The following RTL1 variants were observed in gnomAD, a reference collection of about 807,000 sequenced individuals.
RTL1 encodes retrotransposon-like protein 1.
For missense variants in RTL1, 1,681 were observed against 1,767.5 expected, an observed-to-expected ratio of 0.95 and a Z score of 0.88; for synonymous variants, 727 against 748.4, an observed-to-expected ratio of 0.97 and a Z score of 0.47.
chr14:100,886,069 G>C (rs1326276504), intron 3 of RTL1, among the ~76,000 whole-genome samples: 1 of 152,042 alleles, frequency 6.6e-6, no homozygotes, highest in African/African-American at 2.4e-5. Flanking sequence ...GTCTTGGTTG[G>C]GGTTATTTGC....
intron 2 of RTL1, among the ~76,000 whole-genome samples, chr14:100,901,220 C>T (rs1236758958): frequency 6.6e-6 from 1 of 152,240 alleles, no homozygotes; most frequent in Non-Finnish European, 1.5e-5. Context: ...GCATCTCTGC[C>T]CCCGAGGACC....
intron 2 of RTL1, chr14:100,898,048 T>C: frequency 2.1e-6 from 1 of 478,468 alleles, no homozygotes; most frequent in Non-Finnish European, 4.3e-6. Context: ...TGTTTAATAT[T>C]CCACGGTATG....
At position 100,880,608 on chromosome 14, in the gene RTL1, G is replaced by A; in HGVS notation, c.*104C>T. 1 of 1,500,896 alleles carries A rather than the reference G, an allele frequency of 6.7e-7. No individual in the cohort carries two copies. Among genetic ancestry groups the A allele is most frequent in the Non-Finnish European group, 8.9e-7 (1 of 1,125,698 alleles). 93.0% of individuals were successfully genotyped at this position (1,500,896 alleles called of 1,614,324 possible). On this transcript the variant is annotated 3_prime_UTR_variant, in exon 4 of 4. Coordinates refer to ENST00000649591, the MANE Select transcript of RTL1 (RefSeq NM_001134888.3). ...GGTTCCTCTTGGGTCAGGAGTGGCA[G>A]GAAGGGAAGCGAAGCAGGCTGAGGC...
rs73349352 is a variant in RTL1, at chr14:100,880,753, C to T, written c.4036G>A (p.Glu1346Lys). The T allele has an allele frequency of 6.9e-3, 10,771 of 1,550,876 alleles. 615 individuals carry two copies. In the African/African-American group the frequency reaches 0.13, roughly 18 times the overall value. ...TCTTCGTCCTCATCAGGCAGCTCTT[C>T]TAGCCTTGCCTGCTCCCTGGGCTGG... ...ESQPREQARL[E>K]ELPDEDEDAN... The change falls in exon 4 of 4, where the codon GAA becomes AAA. Residue 1346 changes from glutamate (E) to lysine (K), a missense_variant. Coordinates refer to ENST00000649591, the MANE Select transcript of RTL1 (RefSeq NM_001134888.3).
Position 100,881,370 on chromosome 14 carries a change from G to C in RTL1, c.3419C>G (p.Thr1140Arg), listed in dbSNP as rs1422411353. 1.3e-6 allele frequency: 2 copies of C among 1,550,700 alleles called. No homozygotes were observed. The highest frequency in any genetic ancestry group is 2.4e-5 in the East Asian group (1 of 40,898). Residue 1140 changes from threonine (T) to arginine (R), a missense_variant, in exon 4 of 4, where the codon ACA becomes AGA. Thr to Arg is a moderately conservative substitution (Grantham distance 71). Coordinates refer to ENST00000649591, the MANE Select transcript of RTL1 (RefSeq NM_001134888.3). The surrounding 1 kb of genome is among the most constrained non-coding windows in gnomAD (Gnocchi z 6.6). The part of the protein sequence containing the change: ...SSLIAGSSIT[T>R]AITQLLTQMP... ...CTGGGTGAGCAGCTGGGTGATGGCTGTCGTGATGCTGCTGCCTGCGATGAG... is the reference window on the plus strand; with the variant it reads ...CTGGGTGAGCAGCTGGGTGATGGCTCTCGTGATGCTGCTGCCTGCGATGAG...
Position 100,882,920 on chromosome 14 carries a change from C to T in RTL1, c.1869G>A (p.Met623Ile). ...TAPWEPVGAR[M>I]QERARLQEEY... The stretch of plus-strand genomic sequence containing the variant: ...CCTCCTGTAGCCTGGCTCTTTCTTG[C>T]ATCCTGGCACCCACAGGTTCCCAAG... The change falls in exon 4 of 4, where the codon ATG becomes ATA. Residue 623 changes from methionine to isoleucine, a missense_variant. Coordinates refer to ENST00000649591, the MANE Select transcript of RTL1 (RefSeq NM_001134888.3). The T allele has an allele frequency of 6.2e-7, 1 of 1,609,286 alleles. No homozygotes were observed. The highest frequency in any genetic ancestry group is 2.2e-5 in the East Asian group (1 of 44,844).
At position 100,880,841 on chromosome 14, in the gene RTL1, C is replaced by G; in HGVS notation, c.3948G>C (p.Arg1316Ser). Residue 1316 changes from arginine (R) to serine (S), a missense_variant, in exon 4 of 4, where the codon AGG becomes AGC. Arg to Ser is a moderately radical substitution (Grantham distance 110). Coordinates refer to ENST00000649591, the MANE Select transcript of RTL1 (RefSeq NM_001134888.3). ...LHLLSREQAARALSQFLTLIY... is the reference protein window; with the variant it reads ...LHLLSREQAASALSQFLTLIY... ...TCAGGGTCAGGAACTGGCTCAGGGC[C>G]CTGGCTGCCTGCTCCCGGCTGAGCA... The G allele has an allele frequency of 1.3e-6, 2 of 1,550,412 alleles. No homozygotes were observed. Among genetic ancestry groups the G allele is most frequent in the East Asian group, 4.9e-5 (2 of 40,850 alleles).
In RTL1 at chr14:100,884,507, G is replaced by T; in HGVS notation, c.282C>A (p.Asp94Glu). The change falls in exon 4 of 4, where the codon GAC (aspartate) becomes GAA (glutamate). Residue 94 changes from aspartate (D) to glutamate (E), a missense_variant. Coordinates refer to ENST00000649591, the MANE Select transcript of RTL1 (RefSeq NM_001134888.3). ...PRKEIEDPPN[D>E]LLQDLEESCN... ...ATGACTCCTCCAGGTCTTGGAGTAG[G>T]TCATTGGGTGGATCCTCTATTTCCT... The T allele has an allele frequency of 6.2e-7, 1 of 1,614,132 alleles. No individual in the cohort carries two copies. The highest frequency in any genetic ancestry group is 8.5e-7 in the Non-Finnish European group (1 of 1,179,978).
In RTL1 at chr14:100,881,105, C is replaced by T; in HGVS notation, c.3684G>A (p.Glu1228=). 1 of 1,587,776 alleles carries T rather than the reference C, an allele frequency of 6.3e-7. No homozygotes were observed. Among genetic ancestry groups the T allele is most frequent in the Non-Finnish European group, 8.6e-7 (1 of 1,166,612 alleles). The change falls in exon 4 of 4, where the codon GAG becomes GAA. Residue 1228 remains glutamate (E), a synonymous_variant. Coordinates refer to ENST00000649591, the MANE Select transcript of RTL1 (RefSeq NM_001134888.3). The surrounding 1 kb of genome is among the most constrained non-coding windows in gnomAD (Gnocchi z 6.6). ...GCAGGGCTTCTCGCAAGACGACATC[C>T]TCATCACCAACGACGTGCAGCTCCA... The part of the protein sequence containing the change: ...RYLELHVVGD[E]DVVLREALQD...
At chr14:100,897,844 G>A (rs2038889791) in intron 2 of RTL1, 1 of 330,584 alleles carries the variant, frequency 3.0e-6, no homozygotes. Context: ...TTGGGGAGTG[G>A]GCTCACGAGT....
intron 2 of RTL1, among the ~76,000 whole-genome samples, 111 bp downstream of exon 2, chr14:100,903,180 C>A (rs2038966259): frequency 6.6e-6 from 1 of 152,164 alleles, no homozygotes; most frequent in African/African-American, 2.4e-5. Context: ...GAAGGGCCAG[C>A]TTAGACAGGG....
chr14:100,885,512 T>C (rs1339431878), intron 3 of RTL1, among the ~76,000 whole-genome samples: 1 of 147,516 alleles, frequency 6.8e-6, no homozygotes, highest in Non-Finnish European at 1.5e-5. Flanking sequence ...AGGGGGTGTG[T>C]ACAGGTCTGG....
At chr14:100,902,795 A>G (rs1423411898) in intron 2 of RTL1, among the ~76,000 whole-genome samples, 1 of 152,240 alleles carries the variant, frequency 6.6e-6, no homozygotes, top group African/African-American at 2.4e-5. Flanking sequence ...TGAGGACTAA[A>G]TGAGATAAGT....
rs1211802922 is a variant in RTL1, at chr14:100,883,503, A to G, written c.1286T>C (p.Val429Ala). Residue 429 changes from valine (V) to alanine (A), a missense_variant, in exon 4 of 4, where the codon GTG (valine) becomes GCG (alanine). Transcript: ENST00000649591. The surrounding 1 kb of genome is among the most constrained non-coding windows in gnomAD (Gnocchi z 5.9). The stretch of plus-strand genomic sequence containing the variant: ...GAAGTTGCCGTCAGCTCCCGAATCC[A>G]CCAGGGCCTGGACCGCGACGCTGTG... ...PYHSVAVQAL[V>A]DSGADGNFMD... 6.4e-7 allele frequency: 1 copy of G among 1,551,408 alleles called. No individual in the cohort carries two copies. Among genetic ancestry groups the G allele is most frequent in the Non-Finnish European group, 8.7e-7 (1 of 1,146,962 alleles).
rs35695758 is a variant in RTL1, at chr14:100,881,149, G to A, written c.3640C>T (p.Leu1214=). ...AGCTCCAGGTAGCGGTTCTGACGCA[G>A]GGCAGGGAGGTGGCCCTCCTGGGGG... ...VTPQEGHLPA[L]RQNRYLELHV... Residue 1214 remains leucine (L), a synonymous_variant, in exon 4 of 4, where the codon CTG becomes TTG. Transcript: ENST00000649591. The surrounding 1 kb of genome is among the most constrained non-coding windows in gnomAD (Gnocchi z 6.6). 6.5e-7 allele frequency: 1 copy of A among 1,549,524 alleles called. No homozygotes were observed. Among genetic ancestry groups the A allele is most frequent in the Non-Finnish European group, 8.7e-7 (1 of 1,145,822 alleles).
chr14:100,884,078 T>A lies in RTL1; in HGVS notation c.711A>T (p.Arg237Ser), dbSNP rs2140037480. The A allele has an allele frequency of 6.4e-7, 1 of 1,551,720 alleles. No individual in the cohort carries two copies. The highest frequency in any genetic ancestry group is 2.4e-5 in the East Asian group (1 of 40,920). ...ACAGGTGATTGATGACATAGCCAAC[T>A]CTCAGACGGTCGTTATAGAACATTC... Reference protein sequence around the residue: ...YPRMFYNDRLRVGYVINHLSG... With the variant: ...YPRMFYNDRLSVGYVINHLSG... The change falls in exon 4 of 4, where the codon AGA (arginine) becomes AGT (serine). Residue 237 changes from arginine to serine, a missense_variant. Arg to Ser is a moderately radical substitution (Grantham distance 110, BLOSUM62 -1). Coordinates refer to ENST00000649591, the MANE Select transcript of RTL1 (RefSeq NM_001134888.3).
Position 100,884,317 on chromosome 14 carries a change from G to T in RTL1, c.472C>A (p.His158Asn), listed in dbSNP as rs1389525218. The T allele has an allele frequency of 6.5e-7, 1 of 1,548,326 alleles. No individual in the cohort carries two copies. The highest frequency in any genetic ancestry group is 8.7e-7 in the Non-Finnish European group (1 of 1,144,842). The stretch of plus-strand genomic sequence containing the variant: ...ATGGCCATAAGTTCTGCGGTTGAGT[G>T]CTCGGTCTGGTTTTGCTCTTGAGGA... ...ETPQEQNQTE[H>N]STAELMAMVR... is the part of the protein sequence containing the mutation. The change falls in exon 4 of 4, where the codon CAC (histidine) becomes AAC (asparagine). Residue 158 changes from histidine to asparagine, a missense_variant. Coordinates refer to ENST00000649591, the MANE Select transcript of RTL1 (RefSeq NM_001134888.3).
chr14:100,891,462 TG>T (rs1015465682), intron 3 of RTL1, among the ~76,000 whole-genome samples: 1 of 152,114 alleles, frequency 6.6e-6, no homozygotes, highest in African/African-American at 2.4e-5. Context: ...CCCAGCAGGG[TG>T]GGGGTCTTCT....
At position 100,895,422 on chromosome 14, in the gene RTL1, T is replaced by TGAAACTAA. The variant is rs1373940149; in HGVS notation, c.-148-1918_-148-1917insTTAGTTTC. On this transcript the variant is annotated intron_variant, in intron 2 of 3. Transcript: ENST00000649591. The stretch of plus-strand genomic sequence containing the variant: ...GGGATGCAACTTTCAAGAGTTGCCT[T>TGAAACTAA]GATTGGTACCTTAAAGGAAATAAAA... Among the ~76,000 whole-genome samples, 5 of 152,274 alleles carry TGAAACTAA rather than the reference T, an allele frequency of 3.3e-5. No individual in the cohort carries two copies. The South Asian group carries it at 6.2e-4, about 19-fold the overall frequency.
Sources: gnomAD v4.1 joint callset for allele counts (sites outside exome capture counted in the v4.1 genomes callset) on GRCh38, gnomAD v4.1.1 for gene constraint, Gnocchi (gnomAD v3.1) non-coding constraint, MANE v1.5 for transcripts, NCBI Gene and HGNC (gene_info 2026-07-23, HGNC 2026-07-21) for gene names.